The following CTR9 variants were observed in gnomAD, a reference collection of about 807,000 sequenced individuals.
The protein encoded by CTR9 is CTR9 component of Paf1/RNA polymerase II complex.
CTR9 carries 41 observed loss-of-function variants against 152.1 expected under a neutral mutation model. The observed-to-expected ratio is 0.27, with a 90% CI of 0.21 to 0.35. The LOEUF (loss-of-function observed/expected upper bound fraction) is 0.35. Among genes scored for constraint, CTR9 ranks in the 10% least tolerant of loss-of-function variants. The pLI, the probability that CTR9 is intolerant of heterozygous loss-of-function variation, is 1.00. For missense variants in CTR9, 917 were observed against 1,424.4 expected (o/e 0.64, Z 5.73); for synonymous variants, 476 against 496.2 (o/e 0.96, Z 0.54).
At chr11:10,760,041 T>A in intron 5 of CTR9, 132 bp from the exon 6 acceptor site, 6 of 914,766 alleles carry the variant, frequency 6.6e-6, no homozygotes, top group Admixed American at 2.6e-5. Flanking sequence ...GGTCAAAAGA[T>A]TCTGTAGTGT....
chr11:10,768,462 C>G lies in CTR9; in HGVS notation c.2080C>G (p.Gln694Glu). 6.2e-7 allele frequency: 1 copy of G among 1,611,966 alleles called. No individual in the cohort carries two copies. The highest frequency in any genetic ancestry group is 8.5e-7 in the Non-Finnish European group (1 of 1,179,456). ...GAACTTAGCACACATCTATGTGGAG[C>G]AAAAGCAGTACATCAGCGCCGTTCA... ...WLNLAHIYVEQKQYISAVQMY... is the reference protein window; with the variant it reads ...WLNLAHIYVEEKQYISAVQMY... The change falls in exon 16 of 25, where the codon CAA becomes GAA. Residue 694 changes from glutamine to glutamate, a missense_variant. By Grantham distance (29) the Gln-to-Glu change is conservative. Coordinates refer to ENST00000361367, the MANE Select transcript of CTR9 (RefSeq NM_014633.5).
rs769634264 is a variant in CTR9 at position 10,756,882 on chromosome 11, A to G, written c.592+44A>G. On this transcript the variant is annotated intron_variant, in intron 5 of 24. Coordinates refer to ENST00000361367, the MANE Select transcript of CTR9 (RefSeq NM_014633.5). Reference sequence around the variant, plus strand: ...TTTATGTCTAAACTGTGTATTACCCAGCTTAAAGCATTGAGGATTTGTCAG... The same window carrying G: ...TTTATGTCTAAACTGTGTATTACCCGGCTTAAAGCATTGAGGATTTGTCAG... The G allele has an allele frequency of 4.2e-6, 5 of 1,190,178 alleles. No homozygotes were observed. In the South Asian group the frequency reaches 6.4e-5, roughly 15 times the overall value. 73.7% of individuals were successfully genotyped at this position (1,190,178 alleles called of 1,614,324 possible).
chr11:10,768,230 A>G, intron 15 of CTR9, 69 bp downstream of exon 15: 1 of 1,577,348 alleles, frequency 6.3e-7, no homozygotes, highest in Non-Finnish European at 8.7e-7. Context: ...ATGTTTGTAA[A>G]TCAGAATTTT....
rs981177333 is a variant in CTR9 at position 10,767,763 on chromosome 11, A to C, written c.1687-43A>C. Reference sequence around the variant, plus strand: ...GTGGGAAGATGATTGATCTCTGTCAAACTAAACTGCAGATTTTCCTTCTTC... The same window carrying C: ...GTGGGAAGATGATTGATCTCTGTCACACTAAACTGCAGATTTTCCTTCTTC... On this transcript the variant is annotated intron_variant, in intron 13 of 24. Coordinates refer to ENST00000361367, the MANE Select transcript of CTR9 (RefSeq NM_014633.5). This position sits in a 1 kb window ranked among gnomAD's most constrained non-coding sequence, Gnocchi z 4.0. 1.3e-6 allele frequency: 2 copies of C among 1,572,070 alleles called. No individual in the cohort carries two copies. The highest frequency in any genetic ancestry group is 1.7e-6 in the Non-Finnish European group (2 of 1,143,628).
chr11:10,778,740 G>T lies in CTR9; in HGVS notation c.3157G>T (p.Ala1053Ser), dbSNP rs113891837. The T allele has an allele frequency of 8.2e-5, 133 of 1,614,178 alleles. No individual in the cohort carries two copies. In the African/African-American group the frequency reaches 1.5e-3, roughly 18 times the overall value. Residue 1053 changes from alanine (A) to serine (S), a missense_variant, in exon 25 of 25, where the codon GCC becomes TCC. Around this residue, in one of 9 missense-constraint regions of CTR9, gnomAD observed 384 missense variants for 398.4 expected, o/e 0.96. Transcript: ENST00000361367. The part of the protein sequence containing the change: ...SDEDEQRKKC[A>S]SSESDSDENQ... ...CGAGGACGAACAACGAAAGAAATGTGCCTCATCAGAGAGTGATTCCGATGA... is the reference window on the plus strand; with the variant it reads ...CGAGGACGAACAACGAAAGAAATGTTCCTCATCAGAGAGTGATTCCGATGA...
In CTR9 at chr11:10,778,713, G is replaced by T; in HGVS notation, c.3130G>T (p.Asp1044Tyr). The change falls in exon 25 of 25, where the codon GAC (aspartate) becomes TAC (tyrosine). Residue 1044 changes from aspartate to tyrosine, a missense_variant. By Grantham distance (160) the Asp-to-Tyr change is radical (BLOSUM62 -3). This residue lies in a region of CTR9 where 384 missense variants were observed against 398.4 expected (regional missense o/e 0.96). Transcript: ENST00000361367. ...GAACAGCAACAGCAACAGTGACTCAGACGAGGACGAACAACGAAAGAAATG... is the reference window on the plus strand; with the variant it reads ...GAACAGCAACAGCAACAGTGACTCATACGAGGACGAACAACGAAAGAAATG... ...PRNSNSNSDS[D>Y]EDEQRKKCAS... is the part of the protein sequence containing the mutation. The T allele has an allele frequency of 6.2e-7, 1 of 1,613,892 alleles. No individual in the cohort carries two copies. The highest frequency in any genetic ancestry group is 8.5e-7 in the Non-Finnish European group (1 of 1,179,826).
chr11:10,763,682 A>G lies in CTR9; in HGVS notation c.997A>G (p.Thr333Ala). 6.2e-7 allele frequency: 1 copy of G among 1,613,710 alleles called. No individual in the cohort carries two copies. The highest frequency in any genetic ancestry group is 8.5e-7 in the Non-Finnish European group (1 of 1,179,906). The change falls in exon 9 of 25, where the codon ACA (threonine) becomes GCA (alanine). Residue 333 changes from threonine (T) to alanine (A), a missense_variant. Thr to Ala is a moderately conservative substitution (Grantham distance 58, BLOSUM62 0). Coordinates refer to ENST00000361367, the MANE Select transcript of CTR9 (RefSeq NM_014633.5). ...DQAFQYYYQA[T>A]QFASSSFVLP... ...AGCTTTTCAGTACTATTATCAAGCCACACAGTTTGCCTCATCCTCTTTTGT... is the reference window on the plus strand; with the variant it reads ...AGCTTTTCAGTACTATTATCAAGCCGCACAGTTTGCCTCATCCTCTTTTGT...
chr11:10,764,269 T>C (rs370275838), intron 10 of CTR9, 39 bp from the exon 11 acceptor site: 5 of 1,613,862 alleles, frequency 3.1e-6, no homozygotes, highest in Non-Finnish European at 4.2e-6. Context: ...AGTGTCTCTC[T>C]TCCACTTACA....
chr11:10,755,798 A>G lies in CTR9; in HGVS notation c.502+3A>G. ...AAATAATATTCCAGCCCTTCTTGGT[A>G]AGTGGTCTTTGGCAACATGTTAGGA... On this transcript the variant is annotated splice_donor_region_variant and intron_variant, in intron 4 of 24. Transcript: ENST00000361367. 1 of 1,579,174 alleles carries G rather than the reference A, an allele frequency of 6.3e-7. No homozygotes were observed. The highest frequency in any genetic ancestry group is 8.7e-7 in the Non-Finnish European group (1 of 1,150,398).
chr11:10,773,981 AT>A, intron 21 of CTR9, 30 bp from the exon 22 acceptor site: 1 of 1,550,482 alleles, frequency 6.4e-7, no homozygotes, highest in Non-Finnish European at 8.8e-7. Context: ...CAACCAGGAA[AT>A]AACTGACTAT....
At chr11:10,763,004 T>G (rs145860959) in intron 7 of CTR9, among the ~76,000 whole-genome samples, 2 of 148,480 alleles carry the variant, frequency 1.3e-5, no homozygotes, top group African/African-American at 5.0e-5. Flanking sequence ...TGAGACCCTG[T>G]CTCAAAAAAA....
At position 10,773,137 on chromosome 11, in the gene CTR9, G is replaced by A. The variant is rs542399971; in HGVS notation, c.2591G>A (p.Arg864His). The change falls in exon 21 of 25, where the codon CGT becomes CAT. Residue 864 changes from arginine to histidine, a missense_variant. By Grantham distance (29) the Arg-to-His change is conservative (BLOSUM62 0). Around this residue, in one of 9 missense-constraint regions of CTR9, gnomAD observed 384 missense variants for 398.4 expected, o/e 0.96. Coordinates refer to ENST00000361367, the MANE Select transcript of CTR9 (RefSeq NM_014633.5). ...CATTTTTCCTCATAGGAAGAGAAAC[G>A]TCTCAGAGAAAAGGAAGAGCAAAAG... ...QKLLKEQEEK[R>H]LREKEEQKKL... The A allele has an allele frequency of 9.5e-5, 151 of 1,597,528 alleles. No homozygotes were observed. The highest frequency in any genetic ancestry group is 8.1e-5 in the Non-Finnish European group (95 of 1,176,328).
chr11:10,767,572 T>G lies in CTR9; in HGVS notation c.1687-234T>G. 1 of 460,790 alleles carries G rather than the reference T, an allele frequency of 2.2e-6. No homozygotes were observed. Among genetic ancestry groups the G allele is most frequent in the South Asian group, 2.7e-5 (1 of 36,564 alleles). The allele number at this position is 460,790 out of a possible 1,614,324, so 28.5% of individuals were successfully genotyped here. ...TTACAACTACTTTGAGGTGGCCAAA[T>G]GTAAACTGAAAGCATTAATTAAAGT... is the stretch of plus-strand genomic sequence containing the variant. On this transcript the variant is annotated intron_variant, in intron 13 of 24. Transcript: ENST00000361367. The surrounding 1 kb of genome is among the most constrained non-coding windows in gnomAD (Gnocchi z 4.0).
In CTR9 at chr11:10,775,200, A is replaced by G. The variant is rs766726825; in HGVS notation, c.2886-7A>G. 2.0e-5 allele frequency: 32 copies of G among 1,611,900 alleles called. No individual in the cohort carries two copies. Among genetic ancestry groups the G allele is most frequent in the African/African-American group, 1.9e-4 (14 of 74,854 alleles). Reference sequence around the variant, plus strand: ...GACAAACTCTCTCTTGGTGTTCACTATTTAAGACATCCAAAGGGAGAAGAA... The same window carrying G: ...GACAAACTCTCTCTTGGTGTTCACTGTTTAAGACATCCAAAGGGAGAAGAA... On this transcript the variant is annotated splice_region_variant and splice_polypyrimidine_tract_variant and intron_variant, in intron 22 of 24. Coordinates refer to ENST00000361367, the MANE Select transcript of CTR9 (RefSeq NM_014633.5).
intron 24 of CTR9, among the ~76,000 whole-genome samples, chr11:10,776,285 G>A (rs371937203): frequency 3.7e-4 from 56 of 152,194 alleles, no homozygotes; most frequent in African/African-American, 1.1e-3. Context: ...GGGTTTCTCC[G>A]TGTTGAGAGA....
chr11:10,752,898 T>C (rs955710732), intron 2 of CTR9, 128 bp downstream of exon 2: 1 of 696,502 alleles, frequency 1.4e-6, no homozygotes, highest in African/African-American at 1.8e-5. Context: ...TGGAAGTTAA[T>C]TGTGTTAATA....
At chr11:10,766,579 T>G in intron 13 of CTR9, 89 bp downstream of exon 13, 1 of 885,548 alleles carries the variant, frequency 1.1e-6, no homozygotes, top group Middle Eastern at 2.6e-4. Flanking sequence ...TGGCTACATC[T>G]TCCTGGTTTT....
At chr11:10,766,183 G>A (rs1863056616) in intron 12 of CTR9, among the ~76,000 whole-genome samples, 1 of 152,164 alleles carries the variant, frequency 6.6e-6, no homozygotes, top group South Asian at 2.1e-4. Context: ...GAGTGGAGTG[G>A]CAGAGGTAAG....
In CTR9 at chr11:10,775,237, T is replaced by C; in HGVS notation, c.2916T>C (p.Asp972=). 6.2e-7 allele frequency: 1 copy of C among 1,614,026 alleles called. No homozygotes were observed. ...RHPKGEEGSD[D]DETENGPKPK... is the part of the protein sequence containing the mutation. ...CAAAGGGAGAAGAAGGATCTGATGA[T>C]GATGAAACAGAAAATGGCCCCAAAC... The change falls in exon 23 of 25, where the codon GAT becomes GAC. Residue 972 remains aspartate (D), a synonymous_variant. Coordinates refer to ENST00000361367, the MANE Select transcript of CTR9 (RefSeq NM_014633.5).
Sources: gnomAD v4.1 joint callset for allele counts (sites outside exome capture counted in the v4.1 genomes callset) on GRCh38, gnomAD v4.1.1 for gene constraint, gnomAD v4.1.1 regional missense constraint, Gnocchi (gnomAD v3.1) non-coding constraint, MANE v1.5 for transcripts, NCBI Gene and HGNC (gene_info 2026-07-23, HGNC 2026-07-21) for gene names.